KLHL13: variants seen among roughly 807,000 people sequenced by gnomAD.
KLHL13 encodes kelch-like protein 13.
A neutral mutation model predicts 37.1 loss-of-function variants in KLHL13; 10 were observed. The observed-to-expected ratio is 0.27, with a 90% CI of 0.17 to 0.46. The LOEUF (loss-of-function observed/expected upper bound fraction) is 0.46, where lower values mean the gene tolerates loss of function less well. Ranked by LOEUF, KLHL13 falls within the 20% of genes least tolerant of loss-of-function variation. The probability of loss-of-function intolerance (pLI) is 1.00; values close to 1 mark genes in which losing one functional copy is unlikely to be tolerated. For synonymous variants in KLHL13, 163 were observed against 181.2 expected, an observed-to-expected ratio of 0.90 and a Z score of 0.81; for missense variants, 360 against 509.3, an observed-to-expected ratio of 0.71 and a Z score of 2.82.
At position 118,069,626 on chromosome X, in the gene KLHL13, C is replaced by T. The variant is rs187918322; in HGVS notation, c.-56+46882G>A. ...TAAAGAAATTATATGTATATATGTA[C>T]GGATATAAAAAAAGAATTTTTGTAT... On this transcript the variant is annotated intron_variant, in intron 1 of 6. Coordinates refer to the KLHL13 transcript ENST00000371882. Among the ~76,000 whole-genome samples, 20 of 109,761 alleles carry T rather than the reference C, an allele frequency of 1.8e-4. 1 individual carries two copies. The highest frequency in any genetic ancestry group is 4.3e-4 in the African/African-American group (13 of 30,312).
At chrX:118,065,274 T>A (rs1205087658) in intron 1 of KLHL13, among the ~76,000 whole-genome samples, 1 of 111,669 alleles carries the variant, frequency 9.0e-6, no homozygotes, top group Non-Finnish European at 1.9e-5. Context: ...AACTTCTACA[T>A]TCTGAAAACC....
chrX:117,973,153 C>G, exon 1 of KLHL13: 1 of 939,849 alleles, frequency 1.1e-6, no homozygotes, highest in Admixed American at 4.8e-5. Context: ...TAAAAGCAGC[C>G]AGGCTTTTTT....
chrX:118,007,754 A>G (rs2054003345), intron 1 of KLHL13, among the ~76,000 whole-genome samples: 1 of 111,402 alleles, frequency 9.0e-6, no homozygotes, highest in Non-Finnish European at 1.9e-5. Context: ...GGAGGAGGAC[A>G]CATTGCCCTT....
At chrX:117,987,039 G>A (rs1262684447) in intron 1 of KLHL13, among the ~76,000 whole-genome samples, 1 of 111,325 alleles carries the variant, frequency 9.0e-6, no homozygotes, top group African/African-American at 3.3e-5. Flanking sequence ...AACATGAATT[G>A]TGAAGAGAGA....
chrX:118,077,350 G>A (rs1284681332), intron 1 of KLHL13, among the ~76,000 whole-genome samples: 1 of 110,108 alleles, frequency 9.1e-6, no homozygotes, highest in African/African-American at 3.3e-5. Context: ...AGGACGTTTG[G>A]GGCTGGTCCT....
chrX:118,095,376 C>A (rs1486290855), intron 1 of KLHL13, among the ~76,000 whole-genome samples: 1 of 110,483 alleles, frequency 9.1e-6, no homozygotes, highest in African/African-American at 3.3e-5. Context: ...TACAGGAGCA[C>A]CCAGATTCAT....
intron 1 of KLHL13, among the ~76,000 whole-genome samples, chrX:118,002,674 T>G (rs1023810956): frequency 9.1e-6 from 1 of 110,038 alleles, no homozygotes; most frequent in Non-Finnish European, 1.9e-5. Context: ...ATCATGCAAT[T>G]CTCTCAGAGG....
At chrX:117,907,738 G>A (rs62609220) in intron 5 of KLHL13, among the ~76,000 whole-genome samples, 6,737 of 109,946 alleles carry the variant, frequency 0.061, 187 homozygotes, top group Middle Eastern at 0.13. Flanking sequence ...ATGATCATGC[G>A]ACATAGTCCA....
chrX:118,002,012 A>G (rs2053927139), intron 1 of KLHL13, among the ~76,000 whole-genome samples: 1 of 111,553 alleles, frequency 9.0e-6, no homozygotes, highest in African/African-American at 3.3e-5. Flanking sequence ...GACATGTCAA[A>G]TTCTATCCGA....
intron 1 of KLHL13, among the ~76,000 whole-genome samples, chrX:118,013,752 C>T (rs1443595008): frequency 8.9e-6 from 1 of 112,396 alleles, no homozygotes; most frequent in African/African-American, 3.2e-5. Context: ...AAGTCAGAGA[C>T]CCCGAACGGA....
chrX:118,047,597 A>G (rs1373368615), intron 1 of KLHL13, among the ~76,000 whole-genome samples: 2 of 112,098 alleles, frequency 1.8e-5, no homozygotes, highest in African/African-American at 6.5e-5. Flanking sequence ...ACTTTTAATG[A>G]CAAAAACCGC....
intron 4 of KLHL13, among the ~76,000 whole-genome samples, chrX:117,910,629 T>A (rs1930921974): frequency 8.9e-6 from 1 of 111,918 alleles, no homozygotes; most frequent in Non-Finnish European, 1.9e-5. Context: ...TTTTGGTTCC[T>A]TCAAAGTTAT....
Position 117,953,807 on chromosome X carries a change from C to T in KLHL13, c.99-8232G>A, listed in dbSNP as rs187507048. On this transcript the variant is annotated intron_variant, in intron 1 of 6. Coordinates refer to ENST00000262820, the Ensembl canonical transcript of KLHL13. ...TCAGAGAGATACATTCTGTTATAGGCAAGTAATTTTCTGGTTTAATTAATT... is the reference window on the plus strand; with the variant it reads ...TCAGAGAGATACATTCTGTTATAGGTAAGTAATTTTCTGGTTTAATTAATT... 1.5e-4 allele frequency among the ~76,000 whole-genome samples: 17 copies of T among 111,618 alleles called. No homozygotes were observed. In the East Asian group the frequency reaches 4.0e-3, roughly 26 times the overall value.
chrX:117,975,177 T>TAC (rs760035096), upstream of KLHL13, among the ~76,000 whole-genome samples: 11,889 of 103,155 alleles, frequency 0.12, 743 homozygotes, highest in African/African-American at 0.23. Context: ...GAGAAATACA[T>TAC]ACACACACAC....
intron 4 of KLHL13, among the ~76,000 whole-genome samples, chrX:117,911,489 T>G (rs764851870): frequency 1.3e-4 from 14 of 111,894 alleles, no homozygotes; most frequent in Middle Eastern, 4.6e-3. Flanking sequence ...CATGGTGGTT[T>G]GCTGCACCTA....
In KLHL13 at chrX:117,944,933, CCA is replaced by C. The variant is rs201050910; in HGVS notation, c.240+499_240+500del. Among the ~76,000 whole-genome samples, 881 of 111,779 alleles carry C rather than the reference CCA, an allele frequency of 7.9e-3. 7 individuals carry two copies. Among genetic ancestry groups the C allele is most frequent in the African/African-American group, 0.028 (847 of 30,752 alleles). On this transcript the variant is annotated intron_variant, in intron 2 of 6. Coordinates refer to ENST00000262820, the Ensembl canonical transcript of KLHL13. Reference sequence around the variant, plus strand: ...CATCCAGCAGTCCTAACCTCTTCTCCCACAGTTACTACTACCAATGCGAGTTG... The same window carrying C: ...CATCCAGCAGTCCTAACCTCTTCTCCCAGTTACTACTACCAATGCGAGTTG...
chrX:118,037,033 A>T lies in KLHL13; in HGVS notation c.-56+79475T>A, dbSNP rs1332489970. On this transcript the variant is annotated intron_variant, in intron 1 of 6. Coordinates refer to the KLHL13 transcript ENST00000371882. ...GGCCATCAGAGAAATGCAAATCAAA[A>T]CCACAATGAGATACCATCTCACACC... 6.9e-3 allele frequency among the ~76,000 whole-genome samples: 651 copies of T among 93,812 alleles called. 9 individuals carry two copies. The highest frequency in any genetic ancestry group is 0.025 in the African/African-American group (625 of 25,190). 81.5% of individuals were successfully genotyped at this position (93,812 alleles called of 115,157 possible). A position where few individuals can be genotyped will look rare whatever the true frequency, so the allele number is the denominator to read the frequency against.
intron 1 of KLHL13, among the ~76,000 whole-genome samples, chrX:118,072,736 T>C (rs139970961): frequency 0.083 from 9,255 of 111,991 alleles, 339 homozygotes; most frequent in African/African-American, 0.13. Flanking sequence ...AGCTATGCAA[T>C]AGATCCACAA....
At chrX:118,114,728 T>C (rs1386871888) in intron 1 of KLHL13, among the ~76,000 whole-genome samples, 1 of 112,097 alleles carries the variant, frequency 8.9e-6, no homozygotes, top group African/African-American at 3.2e-5. Flanking sequence ...CTGCAAGTTA[T>C]CTAACTAAAT....
Sources: allele counts gnomAD v4.1 joint callset (sites outside exome capture counted in the v4.1 genomes callset), GRCh38; gene constraint gnomAD v4.1.1; transcripts MANE v1.5; gene names NCBI Gene and HGNC (gene_info 2026-07-23, HGNC 2026-07-21).